Variants in PSG5 observed in about 807,000 individuals in gnomAD.
PSG5 encodes the protein pregnancy specific beta-1-glycoprotein 5, also known as pregnancy-specific beta-1-glycoprotein 5.
A neutral mutation model predicts 37.7 loss-of-function variants in PSG5; 53 were observed. That is an observed-to-expected ratio of 1.41 (90% CI 1.13 to 1.77). PSG5 has a LOEUF of 1.77. Ranked by LOEUF, PSG5 falls within the 40% of genes most tolerant of loss-of-function variation. The pLI is 0.00. For synonymous variants in PSG5, 221 were observed against 155.4 expected (o/e 1.42, Z -3.14); for missense variants, 547 against 405.2 (o/e 1.35, Z -3.00).
At chr19:43,185,564 G>C (rs1966918429) in intron 1 of PSG5, among the ~76,000 whole-genome samples, 1 of 150,788 alleles carries the variant, frequency 6.6e-6, no homozygotes. Flanking sequence ...CAGGGTTCTT[G>C]TCAACACCTG....
intron 3 of PSG5, 178 bp from the exon 4 acceptor site, chr19:43,175,647 C>T: frequency 2.2e-6 from 3 of 1,389,180 alleles, no homozygotes; most frequent in Non-Finnish European, 2.9e-6. Flanking sequence ...CCATCACAAG[C>T]TATTGACACA....
At chr19:43,175,679 C>A (rs779152282) in intron 3 of PSG5, 191 bp downstream of exon 3, 1 of 1,393,342 alleles carries the variant, frequency 7.2e-7, no homozygotes, top group South Asian at 1.4e-5. Context: ...GACAAGAGCG[C>A]CCCCTCCCCT....
chr19:43,186,272 C>G, intron 1 of PSG5, 70 bp downstream of exon 1: 1 of 1,606,002 alleles, frequency 6.2e-7, no homozygotes, highest in Non-Finnish European at 8.5e-7. Context: ...GAACCCCATC[C>G]TCTCCAGGAG....
intron 4 of PSG5, among the ~76,000 whole-genome samples, chr19:43,171,705 C>A (rs2122203393): frequency 6.6e-6 from 1 of 151,442 alleles, no homozygotes; most frequent in Non-Finnish European, 1.5e-5. Context: ...CATGGTGGGT[C>A]ATGTTTTAAT....
intron 2 of PSG5, among the ~76,000 whole-genome samples, chr19:43,178,298 TC>T (rs1481848448): frequency 6.6e-6 from 1 of 150,904 alleles, no homozygotes; most frequent in African/African-American, 2.5e-5. Flanking sequence ...CAGACATAGA[TC>T]CCTCTATGTT....
chr19:43,176,264 C>T, intron 2 of PSG5, 116 bp from the exon 3 acceptor site: 1 of 1,499,782 alleles, frequency 6.7e-7, no homozygotes, highest in Admixed American at 1.9e-5. Flanking sequence ...CCTTGAAAGC[C>T]AGTAGCTGAT....
intron 2 of PSG5, among the ~76,000 whole-genome samples, chr19:43,182,704 A>G (rs1346567814): frequency 2.0e-5 from 1 of 49,080 alleles, no homozygotes; most frequent in Non-Finnish European, 3.9e-5. Flanking sequence ...ACATTTCAAT[A>G]ATTTTTTTTT....
At chr19:43,170,190 G>T (rs764439724) in intron 4 of PSG5, 52 bp from the exon 5 acceptor site, 3 of 1,457,130 alleles carry the variant, frequency 2.1e-6, no homozygotes, top group Non-Finnish European at 2.9e-6. Flanking sequence ...TATTTTACAT[G>T]GGGGAGCCTC....
chr19:43,177,183 G>A (rs185263491), intron 2 of PSG5, among the ~76,000 whole-genome samples: 32 of 151,734 alleles, frequency 2.1e-4, no homozygotes, highest in African/African-American at 7.5e-4. Context: ...ACTGCTGTTT[G>A]CCAGGAGCTG....
chr19:43,184,644 G>A (rs1448996103), intron 2 of PSG5, 138 bp downstream of exon 2: 1 of 1,500,886 alleles, frequency 6.7e-7, no homozygotes, highest in African/African-American at 1.4e-5. Context: ...TGTGTGTCCT[G>A]CACTAAATGC....
chr19:43,186,265 C>A, intron 1 of PSG5, 77 bp downstream of exon 1: 1 of 1,602,166 alleles, frequency 6.2e-7, no homozygotes, highest in East Asian at 2.2e-5. Context: ...TTTTTTAGAA[C>A]CCCATCCTCT....
chr19:43,182,620 T>C (rs1969152291), intron 2 of PSG5, among the ~76,000 whole-genome samples: 1 of 150,166 alleles, frequency 6.7e-6, no homozygotes, highest in African/African-American at 2.5e-5. Flanking sequence ...GGAGGCTGAT[T>C]TGAGTAATAA....
intron 3 of PSG5, 46 bp from the exon 4 acceptor site, chr19:43,175,515 G>A: frequency 3.2e-6 from 5 of 1,569,658 alleles, no homozygotes; most frequent in Non-Finnish European, 4.3e-6. Flanking sequence ...TCCAAGGGAA[G>A]GGGATGCTCC....
chr19:43,175,939 G>A lies in PSG5; in HGVS notation c.640C>T (p.Pro214Ser). 3 of 1,612,424 alleles carry A rather than the reference G, an allele frequency of 1.9e-6. No individual in the cohort carries two copies. The highest frequency in any genetic ancestry group is 2.5e-6 in the Non-Finnish European group (3 of 1,179,186). The change falls in exon 3 of 6, where the codon CCC becomes TCC. Residue 214 changes from proline to serine, a missense_variant. Physicochemically the swap from Pro to Ser is moderately conservative, Grantham distance 74 (BLOSUM62 -1). Transcript: ENST00000342951. Reference protein sequence around the residue: ...LPSVTRNETGPYECEIRDRDG... With the variant: ...LPSVTRNETGSYECEIRDRDG... Reference sequence around the variant, plus strand: ...CGGTCCCGTATTTCACATTCATAGGGTCCTGTTTCATTTCTCGTGACACTG... The same window carrying A: ...CGGTCCCGTATTTCACATTCATAGGATCCTGTTTCATTTCTCGTGACACTG...
chr19:43,179,269 A>G (rs1969077763), intron 2 of PSG5: 1 of 1,337,782 alleles, frequency 7.5e-7, no homozygotes, highest in East Asian at 2.3e-5. Context: ...AAGTCCTTAA[A>G]AGCCCATGGC....
In PSG5 at chr19:43,177,598, G is replaced by A. The variant is rs533892628; in HGVS notation, c.431-1450C>T. 4.0e-5 allele frequency among the ~76,000 whole-genome samples: 6 copies of A among 151,412 alleles called. 1 individual carries two copies. Among genetic ancestry groups the A allele is most frequent in the Non-Finnish European group, 8.8e-5 (6 of 67,856 alleles). On this transcript the variant is annotated intron_variant, in intron 2 of 5. Coordinates refer to ENST00000342951, the MANE Select transcript of PSG5 (RefSeq NM_002781.4). ...CATTCTGCACTCATATATTTTTGAA[G>A]GCTTTTGGATGTGAGAAAGGCTGAT...
rs1197774380 is a variant in PSG5 at position 43,176,723 on chromosome 19, T to C, written c.431-575A>G. Among the ~76,000 whole-genome samples, 7 of 150,436 alleles carry C rather than the reference T, an allele frequency of 4.7e-5. 1 individual carries two copies. The highest frequency in any genetic ancestry group is 7.4e-5 in the African/African-American group (3 of 40,702). ...GGAGGTCAGTTCAGTCATCAGCCAG[T>C]GGAGGCAGAAAGTGGGGCAGTGTTT... On this transcript the variant is annotated intron_variant, in intron 2 of 5. Coordinates refer to ENST00000342951, the MANE Select transcript of PSG5 (RefSeq NM_002781.4).
chr19:43,170,892 C>T (rs1485867341), intron 4 of PSG5: 1 of 151,508 alleles, frequency 6.6e-6, no homozygotes, highest in Non-Finnish European at 1.5e-5. Context: ...TAAAAACTAA[C>T]ATATCAGGCT....
At chr19:43,178,838 G>T in intron 2 of PSG5, 1 of 1,612,538 alleles carries the variant, frequency 6.2e-7, no homozygotes, top group Non-Finnish European at 8.5e-7. Context: ...ATGTGTATTT[G>T]GGATGGCAGC....
Sources: gnomAD v4.1 joint callset for allele counts (sites outside exome capture counted in the v4.1 genomes callset) on GRCh38, gnomAD v4.1.1 for gene constraint, MANE v1.5 for transcripts, NCBI Gene and HGNC (gene_info 2026-07-23, HGNC 2026-07-21) for gene names.